Variants in SMOC2 observed in about 807,000 individuals in gnomAD.
SMOC2 encodes SPARC related modular calcium binding 2.
In SMOC2, 39 loss-of-function variants were observed where a neutral mutation model predicts 61.4. That is an observed-to-expected ratio of 0.64 (90% CI 0.49 to 0.83). The LOEUF (loss-of-function observed/expected upper bound fraction) is 0.83, where lower values mean the gene tolerates loss of function less well. Ranked by LOEUF, SMOC2 falls within the 40% of genes least tolerant of loss-of-function variation. The probability of loss-of-function intolerance (pLI) is 0.00; values close to 1 mark genes in which losing one functional copy is unlikely to be tolerated. For missense variants in SMOC2, 556 were observed against 592.9 expected (o/e 0.94, Z 0.65); for synonymous variants, 247 against 239.9 (o/e 1.03, Z -0.27).
At chr6:168,657,489 G>T (rs1037953928) in intron 11 of SMOC2, among the ~76,000 whole-genome samples, 5 of 152,212 alleles carry the variant, frequency 3.3e-5, no homozygotes, top group Non-Finnish European at 5.9e-5. Context: ...GCCCATGTGT[G>T]ATTTCCCCCT....
In SMOC2 at chr6:168,648,099, TACC is replaced by T. The variant is rs1787091263; in HGVS notation, c.908-2579_908-2577del. Among the ~76,000 whole-genome samples the T allele has an allele frequency of 2.6e-5, 4 of 152,342 alleles. No homozygotes were observed. The South Asian group carries it at 8.3e-4, about 32-fold the overall frequency. On this transcript the variant is annotated intron_variant, in intron 9 of 12. Transcript: ENST00000356284. ...AAAATCCCCCTGGGTGTGTCCCTAT[TACC>T]ACACCAAATATCCACATAATTCTTT...
intron 11 of SMOC2, among the ~76,000 whole-genome samples, chr6:168,662,026 G>A (rs950341477): frequency 6.6e-6 from 1 of 152,188 alleles, no homozygotes; most frequent in African/African-American, 2.4e-5. Context: ...TTATGGCAAG[G>A]GAAGACAGTT....
chr6:168,643,944 G>A (rs553811639), intron 9 of SMOC2, among the ~76,000 whole-genome samples: 6 of 152,262 alleles, frequency 3.9e-5, no homozygotes, highest in Middle Eastern at 3.4e-3. Context: ...TGTGAACCCC[G>A]TCACACATGT....
Position 168,553,899 on chromosome 6 carries a change from G to A in SMOC2, c.637+4696G>A, listed in dbSNP as rs767419221. Among the ~76,000 whole-genome samples, 14 of 151,778 alleles carry A rather than the reference G, an allele frequency of 9.2e-5. No individual in the cohort carries two copies. The highest frequency in any genetic ancestry group is 2.0e-4 in the Admixed American group (3 of 15,284). Reference sequence around the variant, plus strand: ...GGAGGATTATTCCATGGGACGAGTCGATTAAAACTTGCTTTTGAACTGCGT... The same window carrying A: ...GGAGGATTATTCCATGGGACGAGTCAATTAAAACTTGCTTTTGAACTGCGT... On this transcript the variant is annotated intron_variant, in intron 7 of 12. Transcript: ENST00000356284. This position sits in a 1 kb window ranked among gnomAD's most constrained non-coding sequence, Gnocchi z 4.2.
chr6:168,460,765 A>G (rs1248957865), intron 1 of SMOC2, among the ~76,000 whole-genome samples: 2 of 152,218 alleles, frequency 1.3e-5, no homozygotes, highest in African/African-American at 4.8e-5. Context: ...TACATCCATT[A>G]TGAAGAACTC....
chr6:168,509,604 CT>C lies in SMOC2; in HGVS notation c.85-310del, dbSNP rs1311767754. On this transcript the variant is annotated intron_variant, in intron 1 of 12. Transcript: ENST00000356284. ...ATGAATTCACAAAAGGAAAACATTG[CT>C]ACTCAGACTTTAAGCGTTGAACTAG... is the stretch of plus-strand genomic sequence containing the variant. Among the ~76,000 whole-genome samples, 9 of 152,260 alleles carry C rather than the reference CT, an allele frequency of 5.9e-5. No individual in the cohort carries two copies. The East Asian group carries it at 9.7e-4, about 16-fold the overall frequency.
At position 168,598,814 on chromosome 6, in the gene SMOC2, G is replaced by T. The variant is rs966608840; in HGVS notation, c.638-4G>T. The T allele has an allele frequency of 5.0e-6, 8 of 1,613,392 alleles. No homozygotes were observed. The highest frequency in any genetic ancestry group is 1.3e-5 in the African/African-American group (1 of 74,856). On this transcript the variant is annotated splice_polypyrimidine_tract_variant and splice_region_variant and intron_variant, in intron 7 of 12. Transcript: ENST00000356284. ...CTCACCTTTTGCCTTCTTCTTCCCC[G>T]CAGTGTCATCCTGTGACCAAGAGCA... is the stretch of plus-strand genomic sequence containing the variant.
chr6:168,525,070 GCT>G (rs2115072796), intron 2 of SMOC2, among the ~76,000 whole-genome samples: 1 of 152,368 alleles, frequency 6.6e-6, no homozygotes, highest in South Asian at 2.1e-4. Context: ...CGGCCTTTGT[GCT>G]CTCTCAAGAT....
intron 1 of SMOC2, among the ~76,000 whole-genome samples, chr6:168,469,789 T>C (rs1176071590): frequency 6.6e-6 from 1 of 152,090 alleles, no homozygotes; most frequent in African/African-American, 2.4e-5. Flanking sequence ...GAGTGCGTCC[T>C]CACCGCTGCA....
chr6:168,662,099 T>G (rs1362281891), intron 11 of SMOC2, among the ~76,000 whole-genome samples: 1 of 152,242 alleles, frequency 6.6e-6, no homozygotes, highest in Non-Finnish European at 1.5e-5. Context: ...AAATCAACAG[T>G]TAATCAAGGA....
chr6:168,603,578 C>T (rs9456235), intron 8 of SMOC2, among the ~76,000 whole-genome samples: 38,267 of 151,946 alleles, frequency 0.25, 5,004 homozygotes, highest in South Asian at 0.28. Context: ...TGGGGATACA[C>T]CAGTGAACAA....
At chr6:168,563,775 C>A (rs1254554129) in intron 7 of SMOC2, among the ~76,000 whole-genome samples, 1 of 152,226 alleles carries the variant, frequency 6.6e-6, no homozygotes, top group African/African-American at 2.4e-5. Flanking sequence ...TCTAGCCTCT[C>A]AACTGTGACA....
At chr6:168,538,235 A>G (rs1583091845) in intron 4 of SMOC2, among the ~76,000 whole-genome samples, 1 of 55,352 alleles carries the variant, frequency 1.8e-5, no homozygotes, top group African/African-American at 7.8e-5. Flanking sequence ...AATCTGGGGG[A>G]GCGGGGTGGC....
At chr6:168,470,047 A>G (rs1781935516) in intron 1 of SMOC2, among the ~76,000 whole-genome samples, 1 of 152,248 alleles carries the variant, frequency 6.6e-6, no homozygotes, top group Non-Finnish European at 1.5e-5. Flanking sequence ...GCTGTGAGCC[A>G]AGGCTAATCT....
intron 1 of SMOC2, among the ~76,000 whole-genome samples, chr6:168,446,507 T>A (rs1781336581): frequency 6.6e-6 from 1 of 152,364 alleles, no homozygotes; most frequent in Non-Finnish European, 1.5e-5. Context: ...TTTCTCCAAT[T>A]GATGGCATTG....
chr6:168,442,290 G>A (rs1051382915), intron 1 of SMOC2, among the ~76,000 whole-genome samples: 1 of 152,216 alleles, frequency 6.6e-6, no homozygotes, highest in Non-Finnish European at 1.5e-5. Flanking sequence ...TTTTCTTTCT[G>A]AGCTGTAACT....
chr6:168,549,213 T>C lies in SMOC2; in HGVS notation c.637+10T>C. 6.2e-7 allele frequency: 1 copy of C among 1,612,666 alleles called. No individual in the cohort carries two copies. The highest frequency in any genetic ancestry group is 8.5e-7 in the Non-Finnish European group (1 of 1,178,660). On this transcript the variant is annotated intron_variant, in intron 7 of 12. Transcript: ENST00000356284. ...ACCAATAAGAATTCAGGTAAGATGC[T>C]GCCTGATGTCACTTTGTAAGGAGTG... is the stretch of plus-strand genomic sequence containing the variant.
chr6:168,515,634 G>A (rs1457422423), intron 2 of SMOC2, among the ~76,000 whole-genome samples: 1 of 152,272 alleles, frequency 6.6e-6, no homozygotes, highest in African/African-American at 2.4e-5. Flanking sequence ...CCTAGGCCTC[G>A]CCCTGAGGGG....
Position 168,598,764 on chromosome 6 carries a change from T to C in SMOC2, c.638-54T>C, listed in dbSNP as rs867895001. Reference sequence around the variant, plus strand: ...TCTGTGGCCTCCCAAGAGCTCTGCATGTGGGACGACGTCGCTGGATCCTGC... The same window carrying C: ...TCTGTGGCCTCCCAAGAGCTCTGCACGTGGGACGACGTCGCTGGATCCTGC... On this transcript the variant is annotated intron_variant, in intron 7 of 12. Transcript: ENST00000356284. The C allele has an allele frequency of 1.3e-5, 21 of 1,586,294 alleles. No individual in the cohort carries two copies. The Middle Eastern group carries it at 1.0e-3, about 76-fold the overall frequency.
Sources: allele counts gnomAD v4.1 joint callset (sites outside exome capture counted in the v4.1 genomes callset), GRCh38; gene constraint gnomAD v4.1.1; non-coding constraint Gnocchi (gnomAD v3.1); transcripts MANE v1.5; gene names NCBI Gene and HGNC (gene_info 2026-07-23, HGNC 2026-07-21).